The following ACTR3B variants were observed in gnomAD, a reference collection of about 807,000 sequenced individuals.
The protein encoded by ACTR3B is actin-related protein 3B.
A neutral mutation model predicts 59.0 loss-of-function variants in ACTR3B; 8 were observed. The observed-to-expected ratio is 0.14, with a 90% CI of 0.08 to 0.24. The LOEUF (loss-of-function observed/expected upper bound fraction) is 0.24, where lower values mean the gene tolerates loss of function less well. Ranked by LOEUF, ACTR3B falls within the 10% of genes least tolerant of loss-of-function variation. The probability of loss-of-function intolerance (pLI) is 1.00; values close to 1 mark genes in which losing one functional copy is unlikely to be tolerated. For synonymous variants in ACTR3B, 148 were observed against 197.9 expected (o/e 0.75, Z 2.12); for missense variants, 245 against 552.3 (o/e 0.44, Z 5.58).
rs2098199482 is a variant in ACTR3B at position 152,792,374 on chromosome 7, A to G, written c.101-8157A>G. Among the ~76,000 whole-genome samples, 3 of 152,054 alleles carry G rather than the reference A, an allele frequency of 2.0e-5. No homozygotes were observed. In the South Asian group the frequency reaches 6.2e-4, roughly 32 times the overall value. Reference sequence around the variant, plus strand: ...TCTTTCTTTTTTCTTGATGTACTCAAATTCCTTCTTTTATCATTTCTTTTC... The same window carrying G: ...TCTTTCTTTTTTCTTGATGTACTCAGATTCCTTCTTTTATCATTTCTTTTC... On this transcript the variant is annotated intron_variant, in intron 2 of 11. Coordinates refer to ENST00000256001, the MANE Select transcript of ACTR3B (RefSeq NM_020445.6).
chr7:152,845,482 C>T lies in ACTR3B; in HGVS notation c.952-6644C>T, dbSNP rs191079252. 5.3e-5 allele frequency among the ~76,000 whole-genome samples: 8 copies of T among 152,326 alleles called. No homozygotes were observed. The East Asian group carries it at 5.8e-4, about 11-fold the overall frequency. On this transcript the variant is annotated intron_variant, in intron 9 of 11. Coordinates refer to ENST00000256001, the MANE Select transcript of ACTR3B (RefSeq NM_020445.6). ...GATGGTGCCCATGCAGAGTGCTGAC[C>T]GCAAGGAGCTCTATTCCGTGCTGAG...
intron 9 of ACTR3B, among the ~76,000 whole-genome samples, chr7:152,851,254 CTCTG>C (rs747079686): frequency 3.2e-4 from 49 of 152,322 alleles, no homozygotes; most frequent in African/African-American, 5.3e-4. Flanking sequence ...TGTGGTCTCT[CTCTG>C]TCTGTCTAAA....
intron 5 of ACTR3B, among the ~76,000 whole-genome samples, chr7:152,815,085 T>G (rs1344002356): frequency 6.6e-6 from 1 of 151,538 alleles, no homozygotes; most frequent in African/African-American, 2.4e-5. Context: ...GAAGCTGCGG[T>G]TCTTGGTGTG....
chr7:152,795,905 G>A (rs1440034714), intron 2 of ACTR3B, among the ~76,000 whole-genome samples: 10 of 151,174 alleles, frequency 6.6e-5, no homozygotes, highest in Admixed American at 1.3e-4. Flanking sequence ...GTGCAGTGGC[G>A]CGATCTCGGC....
At chr7:152,768,052 CT>C (rs2116509423) in intron 1 of ACTR3B, among the ~76,000 whole-genome samples, 1 of 152,306 alleles carries the variant, frequency 6.6e-6, no homozygotes, top group South Asian at 2.1e-4. Context: ...AAAACCCTGT[CT>C]CTTCTAAAAA....
chr7:152,804,039 C>T (rs2098244713), intron 4 of ACTR3B, among the ~76,000 whole-genome samples: 1 of 152,150 alleles, frequency 6.6e-6, no homozygotes, highest in African/African-American at 2.4e-5. Context: ...AAATGATGGA[C>T]CCCACAGGAG....
chr7:152,834,946 A>G (rs531334032), intron 9 of ACTR3B, among the ~76,000 whole-genome samples: 4,021 of 152,226 alleles, frequency 0.026, 88 homozygotes, highest in African/African-American at 0.06. Context: ...GCTGGTGTCC[A>G]GAAAGTGTCC....
In ACTR3B at chr7:152,792,319, T is replaced by C. The variant is rs1590267631; in HGVS notation, c.101-8212T>C. Among the ~76,000 whole-genome samples, 3 of 152,348 alleles carry C rather than the reference T, an allele frequency of 2.0e-5. No homozygotes were observed. In the South Asian group the frequency reaches 6.2e-4, roughly 32 times the overall value. ...AACGCAAGAGGAAAAGGAAAATAAT[T>C]ATGATCCATATTTTTGCTCTTTCCA... On this transcript the variant is annotated intron_variant, in intron 2 of 11. Coordinates refer to ENST00000256001, the MANE Select transcript of ACTR3B (RefSeq NM_020445.6).
At chr7:152,819,888 T>C (rs531929047) in intron 6 of ACTR3B, among the ~76,000 whole-genome samples, 1 of 152,302 alleles carries the variant, frequency 6.6e-6, no homozygotes, top group South Asian at 2.1e-4. Context: ...TTGCTGACTT[T>C]TAAACGTAAG....
intron 2 of ACTR3B, among the ~76,000 whole-genome samples, chr7:152,789,136 T>C (rs1405366290): frequency 6.6e-6 from 1 of 151,990 alleles, no homozygotes; most frequent in East Asian, 1.9e-4. Flanking sequence ...ACACCTGTAA[T>C]TGCAGCACTT....
In ACTR3B at chr7:152,825,742, G is replaced by C. The variant is rs545460171; in HGVS notation, c.951+620G>C. 3.9e-5 allele frequency among the ~76,000 whole-genome samples: 6 copies of C among 152,284 alleles called. No individual in the cohort carries two copies. The South Asian group carries it at 1.2e-3, about 32-fold the overall frequency. On this transcript the variant is annotated intron_variant, in intron 9 of 11. Transcript: ENST00000256001. ...AGCGGTGCCCTCCCCCATGCTTTCC[G>C]TGAATTCCATTGGTTTCGTTTCATG...
chr7:152,770,367 G>T (rs2098121043), intron 1 of ACTR3B, among the ~76,000 whole-genome samples: 1 of 152,166 alleles, frequency 6.6e-6, no homozygotes, highest in African/African-American at 2.4e-5. Context: ...TTACAGCAGA[G>T]CTAGGAGCTG....
At chr7:152,842,564 C>T (rs10272890) in intron 9 of ACTR3B, among the ~76,000 whole-genome samples, 6,878 of 105,222 alleles carry the variant, frequency 0.065, 317 homozygotes, top group African/African-American at 0.14. Context: ...GAGTGCTCCG[C>T]GTGTTCTCTG....
intron 1 of ACTR3B, among the ~76,000 whole-genome samples, chr7:152,778,902 C>CACTGT (rs1259008090): frequency 8.4e-6 from 1 of 119,234 alleles, no homozygotes; most frequent in Non-Finnish European, 1.6e-5. Flanking sequence ...GTGATCACAC[C>CACTGT]ACTGTACTCC....
intron 9 of ACTR3B, among the ~76,000 whole-genome samples, chr7:152,835,739 TG>T (rs1456687354): frequency 6.6e-6 from 1 of 152,244 alleles, no homozygotes. Flanking sequence ...CACGTCATTT[TG>T]CCCAGCCTTG....
chr7:152,816,344 T>A (rs1036453354), intron 5 of ACTR3B, 137 bp from the exon 6 acceptor site: 2 of 669,154 alleles, frequency 3.0e-6, no homozygotes, highest in African/African-American at 3.7e-5. Context: ...GGACAGGGGT[T>A]AGAGGATGGA....
chr7:152,853,608 C>T lies in ACTR3B; in HGVS notation c.1161+31C>T, dbSNP rs139123863. ...TCCCTCTCTCGAGGGCTCTGTGTCT[C>T]CATTCCTGTGCTCTCGGTTGAGTTT... On this transcript the variant is annotated intron_variant, in intron 11 of 11. Coordinates refer to ENST00000256001, the MANE Select transcript of ACTR3B (RefSeq NM_020445.6). The T allele has an allele frequency of 1.2e-4, 198 of 1,587,460 alleles. No homozygotes were observed. The East Asian group carries it at 4.4e-3, about 35-fold the overall frequency.
intron 2 of ACTR3B, among the ~76,000 whole-genome samples, chr7:152,790,694 C>T (rs1173471550): frequency 1.3e-5 from 2 of 151,950 alleles, no homozygotes; most frequent in African/African-American, 2.4e-5. Flanking sequence ...TTTTTTTATT[C>T]TCTGGAACAG....
chr7:152,766,844 C>A (rs1483248154), intron 1 of ACTR3B, among the ~76,000 whole-genome samples: 1 of 151,912 alleles, frequency 6.6e-6, no homozygotes, highest in Non-Finnish European at 1.5e-5. Flanking sequence ...TAGAGTGCGG[C>A]GGCACAGTCT....
Sources: gnomAD v4.1 joint callset for allele counts (sites outside exome capture counted in the v4.1 genomes callset) on GRCh38, gnomAD v4.1.1 for gene constraint, MANE v1.5 for transcripts, NCBI Gene and HGNC (gene_info 2026-07-23, HGNC 2026-07-21) for gene names.